KMT2D: variants seen among roughly 807,000 people sequenced by gnomAD.
The protein encoded by KMT2D is lysine methyltransferase 2D.
In KMT2D, 55 loss-of-function variants were observed where a neutral mutation model predicts 512.7. The observed-to-expected ratio is 0.11, with a 90% CI of 0.09 to 0.13. The LOEUF (loss-of-function observed/expected upper bound fraction) is 0.13. Ranked by LOEUF, KMT2D falls within the 10% of genes least tolerant of loss-of-function variation. The pLI is 1.00. For synonymous variants in KMT2D, 2,995 were observed against 2,904.0 expected (o/e 1.03, Z -1.01); for missense variants, 6,061 against 7,127.9 (o/e 0.85, Z 5.39).
rs779861670 is a variant in KMT2D at position 49,032,393 on chromosome 12, TTGC to T, written c.12309_12311del (p.Gln4104del). 1 of 1,604,598 alleles carries T rather than the reference TTGC, an allele frequency of 6.2e-7. No homozygotes were observed. Among genetic ancestry groups the T allele is most frequent in the African/African-American group, 1.3e-5 (1 of 74,760 alleles). ...CACCTGCTGTGTGGAGCAGGCTAAC[TTGC>T]TGCTGCTGTTGTCCTGGAAGCCTCA... On this transcript the variant is annotated inframe_deletion, in exon 40 of 55. Transcript: ENST00000301067.
In KMT2D at chr12:49,024,718, C is replaced by G. The variant is rs2137710818; in HGVS notation, c.15922-10G>C. On this transcript the variant is annotated splice_polypyrimidine_tract_variant and intron_variant, in intron 50 of 54. Transcript: ENST00000301067. This position sits in a 1 kb window ranked among gnomAD's most constrained non-coding sequence, Gnocchi z 4.5. Reference sequence around the variant, plus strand: ...TCTCCACCCCGGGCAGCTGTGGGCACAGTTCATACTCACCTTAGCCTGAGT... The same window carrying G: ...TCTCCACCCCGGGCAGCTGTGGGCAGAGTTCATACTCACCTTAGCCTGAGT... 1 of 1,613,236 alleles carries G rather than the reference C, an allele frequency of 6.2e-7. No individual in the cohort carries two copies. The highest frequency in any genetic ancestry group is 8.5e-7 in the Non-Finnish European group (1 of 1,179,500).
Position 49,054,464 on chromosome 12 carries a change from G to A in KMT2D, c.401-48C>T, listed in dbSNP as rs2120709706. 1 of 1,569,632 alleles carries A rather than the reference G, an allele frequency of 6.4e-7. No individual in the cohort carries two copies. Among genetic ancestry groups the A allele is most frequent in the Admixed American group, 1.9e-5 (1 of 53,210 alleles). On this transcript the variant is annotated intron_variant, in intron 4 of 54. Coordinates refer to ENST00000301067, the MANE Select transcript of KMT2D (RefSeq NM_003482.4). This position sits in a 1 kb window ranked among gnomAD's most constrained non-coding sequence, Gnocchi z 6.4. The stretch of plus-strand genomic sequence containing the variant: ...AGAGAAAGGAAAGAATTAACAAAAA[G>A]AGGATTGCTGGCTCAGGACTACCCA...
chr12:49,042,192 A>C lies in KMT2D; in HGVS notation c.6006T>G (p.Ser2002Arg). The C allele has an allele frequency of 6.2e-7, 1 of 1,609,864 alleles. No individual in the cohort carries two copies. Among genetic ancestry groups the C allele is most frequent in the Non-Finnish European group, 8.5e-7 (1 of 1,178,294 alleles). The part of the protein sequence containing the change: ...EGDGLSYNQR[S>R]LQRWEKDEEL... ...CCTCATCCTTCTCCCAGCGCTGAAG[A>C]CTCCGCTGGTTATAGGAGAGTCCGT... The change falls in exon 29 of 55, where the codon AGT becomes AGG. Residue 2002 changes from serine to arginine, a missense_variant. This residue lies in a region of KMT2D where 640 missense variants were observed against 814.3 expected (regional missense o/e 0.79). Coordinates refer to ENST00000301067, the MANE Select transcript of KMT2D (RefSeq NM_003482.4). The surrounding 1 kb of genome is among the most constrained non-coding windows in gnomAD (Gnocchi z 4.4).
chr12:49,031,165 G>C lies in KMT2D; in HGVS notation c.13530+10C>G, dbSNP rs1392575477. ...CACTCTACCTGCTCCACTCTACTCA[G>C]AGTACTCACCTCCTTGTTGCTGGGG... On this transcript the variant is annotated intron_variant, in intron 40 of 54. Transcript: ENST00000301067. 1 of 1,607,124 alleles carries C rather than the reference G, an allele frequency of 6.2e-7. No homozygotes were observed.
chr12:49,042,966 C>A lies in KMT2D; in HGVS notation c.5645-88G>T. 3 of 1,574,278 alleles carry A rather than the reference C, an allele frequency of 1.9e-6. No homozygotes were observed. Among genetic ancestry groups the A allele is most frequent in the Non-Finnish European group, 2.6e-6 (3 of 1,146,786 alleles). On this transcript the variant is annotated intron_variant, in intron 26 of 54. Coordinates refer to ENST00000301067, the MANE Select transcript of KMT2D (RefSeq NM_003482.4). This position sits in a 1 kb window ranked among gnomAD's most constrained non-coding sequence, Gnocchi z 4.4. ...ACAAATGATCATGGCCAGGAACAGT[C>A]CAGGACTCCCCACCAGAGAAGCTGT...
At chr12:49,052,871 C>T (rs775033668) in intron 9 of KMT2D, 44 bp downstream of exon 9, 39 of 1,609,456 alleles carry the variant, frequency 2.4e-5, no homozygotes, top group Non-Finnish European at 3.2e-5. Context: ...AATGTCAGTT[C>T]TTCCAACCTG....
rs1942271751 is a variant in KMT2D, at chr12:49,020,580, A to ACCCCCCC, written c.*1199_*1200insGGGGGGG. The ACCCCCCC allele has an allele frequency of 1.1e-5, 1 of 95,088 alleles. No homozygotes were observed. The highest frequency in any genetic ancestry group is 4.7e-5 in the African/African-American group (1 of 21,324). 5.9% of individuals were successfully genotyped at this position (95,088 alleles called of 1,614,324 possible). Reference sequence around the variant, plus strand: ...ATGTATAAATAGATAAATACCCCCCACCCTCCCCGCGCTGACACTAAGCTC... The same window carrying ACCCCCCC: ...ATGTATAAATAGATAAATACCCCCCACCCCCCCCCCTCCCCGCGCTGACACTAAGCTC... On this transcript the variant is annotated 3_prime_UTR_variant, in exon 55 of 55. Transcript: ENST00000301067.
chr12:49,059,096 A>G (rs990637171), intron 1 of KMT2D, among the ~76,000 whole-genome samples: 2 of 152,188 alleles, frequency 1.3e-5, no homozygotes, highest in Non-Finnish European at 1.5e-5. Context: ...CCAGTGAAAG[A>G]AGGCCTGGTG....
Position 49,050,324 on chromosome 12 carries a change from G to T in KMT2D, c.3264C>A (p.Pro1088=), listed in dbSNP as rs377407254. The change falls in exon 12 of 55, where the codon CCC becomes CCA. Residue 1088 remains proline (P), a synonymous_variant. Coordinates refer to ENST00000301067, the MANE Select transcript of KMT2D (RefSeq NM_003482.4). The part of the protein sequence containing the change: ...VSEPECPALE[P]SATSPLPSPM... ...GGGAAGGGAGAGGACTGGTGGCACT[G>T]GGTTCCAAGGCTGGGCATTCAGGTT... The T allele has an allele frequency of 6.2e-7, 1 of 1,611,060 alleles. No individual in the cohort carries two copies. The highest frequency in any genetic ancestry group is 1.3e-5 in the African/African-American group (1 of 74,876).
At chr12:49,031,094 G>C (rs1942884651) in intron 40 of KMT2D, 61 bp from the exon 41 acceptor site, 1 of 1,388,866 alleles carries the variant, frequency 7.2e-7, no homozygotes, top group South Asian at 1.1e-5. Flanking sequence ...CATCTCTTCT[G>C]TCTGACCCAG....
chr12:49,037,743 C>G lies in KMT2D; in HGVS notation c.9613G>C (p.Gly3205Arg). ...AACTTTTCCAGCAGGGAGGATCCTC[C>G]TGGGCCACTCAGTGGGCTGGGGGTC... is the stretch of plus-strand genomic sequence containing the variant. Reference protein sequence around the residue: ...LLTPSPLSGPGGSSLLEKFEL... With the variant: ...LLTPSPLSGPRGSSLLEKFEL... The change falls in exon 35 of 55, where the codon GGA becomes CGA. Residue 3205 changes from glycine to arginine, a missense_variant. Coordinates refer to ENST00000301067, the MANE Select transcript of KMT2D (RefSeq NM_003482.4). 6.3e-7 allele frequency: 1 copy of G among 1,589,456 alleles called. No homozygotes were observed. Among genetic ancestry groups the G allele is most frequent in the Non-Finnish European group, 8.6e-7 (1 of 1,167,718 alleles).
rs767696694 is a variant in KMT2D, at chr12:49,031,706, C to A, written c.12999G>T (p.Glu4333Asp). ...CTGGATGGGTGGGAGGGAGCTGGGC[C>A]TCAGTGGGAAGCTGGGAGCTGGGGG... ...LPSPSSQLPT[E>D]AQLPPTHPGT... The change falls in exon 40 of 55, where the codon GAG becomes GAT. Residue 4333 changes from glutamate to aspartate, a missense_variant. By Grantham distance (45) the Glu-to-Asp change is conservative. Coordinates refer to ENST00000301067, the MANE Select transcript of KMT2D (RefSeq NM_003482.4). 4.0e-5 allele frequency: 64 copies of A among 1,612,680 alleles called. No homozygotes were observed. The Admixed American group carries it at 1.1e-3, about 27-fold the overall frequency.
Position 49,048,748 on chromosome 12 carries a change from G to C in KMT2D, c.4042C>G (p.Pro1348Ala), listed in dbSNP as rs1427544026. The C allele has an allele frequency of 6.2e-7, 1 of 1,609,534 alleles. No individual in the cohort carries two copies. The highest frequency in any genetic ancestry group is 1.7e-5 in the Admixed American group (1 of 59,884). Residue 1348 changes from proline to alanine, a missense_variant, in exon 14 of 55, where the codon CCC becomes GCC. Coordinates refer to ENST00000301067, the MANE Select transcript of KMT2D (RefSeq NM_003482.4). ...TCTTCTTCCTCCTCCTCCTTACTGG[G>C]AGAGCTATCAATGTCAGCAACCTGA... ...TLVVADIDSS[P>A]SKEEEEEDDD...
In KMT2D at chr12:49,037,507, A is replaced by ATGCTGC; in HGVS notation, c.9843_9848dup (p.Gln3281_Gln3282dup). The ATGCTGC allele has an allele frequency of 1.3e-6, 2 of 1,557,434 alleles. No individual in the cohort carries two copies. Among genetic ancestry groups the ATGCTGC allele is most frequent in the Non-Finnish European group, 8.7e-7 (1 of 1,150,434 alleles). The stretch of plus-strand genomic sequence containing the variant: ...CAGGGCCTGGTGCAGACAGTAGGGA[A>ATGCTGC]TGCTGCTGCTGCTGTTGCTGCTGCT... On this transcript the variant is annotated inframe_insertion, in exon 35 of 55. Transcript: ENST00000301067.
Position 49,029,053 on chromosome 12 carries a change from G to A in KMT2D, c.14251+8C>T, listed in dbSNP as rs566229357. On this transcript the variant is annotated splice_region_variant and intron_variant, in intron 45 of 54. Transcript: ENST00000301067. ...CTGGGCCTGGCCCACATCCAGAGTA[G>A]CACATACCTGGGATGCTGGCCCGAG... The A allele has an allele frequency of 6.2e-7, 1 of 1,602,846 alleles. No individual in the cohort carries two copies. Among genetic ancestry groups the A allele is most frequent in the African/African-American group, 1.3e-5 (1 of 74,900 alleles).
At position 49,039,470 on chromosome 12, in the gene KMT2D, G is replaced by A. The variant is rs1279860885; in HGVS notation, c.8194C>T (p.Leu2732=). ...AEPSSPAFEQ[L]SRGQTPFAGT... ...GCAAAGGGGGTCTGGCCTCGACTCA[G>A]CTGCTCAAAGGCAGGGCTGCTGGGC... Residue 2732 remains leucine, a synonymous_variant, in exon 33 of 55, where the codon CTG becomes TTG. Transcript: ENST00000301067. The surrounding 1 kb of genome is among the most constrained non-coding windows in gnomAD (Gnocchi z 5.0). 6.2e-7 allele frequency: 1 copy of A among 1,606,092 alleles called. No individual in the cohort carries two copies. The highest frequency in any genetic ancestry group is 8.5e-7 in the Non-Finnish European group (1 of 1,175,244).
At position 49,038,835 on chromosome 12, in the gene KMT2D, G is replaced by C. The variant is rs763347763; in HGVS notation, c.8521C>G (p.Pro2841Ala). The change falls in exon 35 of 55, where the codon CCT becomes GCT. Residue 2841 changes from proline to alanine, a missense_variant. Transcript: ENST00000301067. This position sits in a 1 kb window ranked among gnomAD's most constrained non-coding sequence, Gnocchi z 5.7. ...FAMSARFPSTPGPELGRQALG... is the reference protein window; with the variant it reads ...FAMSARFPSTAGPELGRQALG... Reference sequence around the variant, plus strand: ...GCTTGGCGGCCAAGTTCAGGTCCAGGAGTTGATGGAAAGCGAGCTGACATG... The same window carrying C: ...GCTTGGCGGCCAAGTTCAGGTCCAGCAGTTGATGGAAAGCGAGCTGACATG... The C allele has an allele frequency of 1.3e-6, 2 of 1,557,792 alleles. No homozygotes were observed. Among genetic ancestry groups the C allele is most frequent in the Admixed American group, 1.9e-5 (1 of 51,456 alleles).
In KMT2D at chr12:49,050,805, A is replaced by G. The variant is rs2120657276; in HGVS notation, c.2798-15T>C. Reference sequence around the variant, plus strand: ...AGGAAGGGGATCTGGAAGGAAAGAGAAAAAAGAAGGGCTCTTAGATTAGAT... The same window carrying G: ...AGGAAGGGGATCTGGAAGGAAAGAGGAAAAAGAAGGGCTCTTAGATTAGAT... On this transcript the variant is annotated splice_polypyrimidine_tract_variant and intron_variant, in intron 11 of 54. Transcript: ENST00000301067. 1.3e-6 allele frequency: 2 copies of G among 1,591,422 alleles called. No individual in the cohort carries two copies. The highest frequency in any genetic ancestry group is 1.7e-6 in the Non-Finnish European group (2 of 1,165,602).
At position 49,055,355 on chromosome 12, in the gene KMT2D, G is replaced by C. The variant is rs2120718960; in HGVS notation, c.-31C>G. 1 of 1,607,132 alleles carries C rather than the reference G, an allele frequency of 6.2e-7. No individual in the cohort carries two copies. The highest frequency in any genetic ancestry group is 8.5e-7 in the Non-Finnish European group (1 of 1,175,428). On this transcript the variant is annotated 5_prime_UTR_variant, in exon 2 of 55. Transcript: ENST00000301067. Reference sequence around the variant, plus strand: ...TCTCCGACTGGGCAGGGCCCTCTCGGGGAGACCTGTTGGTGCCAAGAAAGA... The same window carrying C: ...TCTCCGACTGGGCAGGGCCCTCTCGCGGAGACCTGTTGGTGCCAAGAAAGA...
Sources: gnomAD v4.1 joint callset for allele counts (sites outside exome capture counted in the v4.1 genomes callset) on GRCh38, gnomAD v4.1.1 for gene constraint, gnomAD v4.1.1 regional missense constraint, Gnocchi (gnomAD v3.1) non-coding constraint, MANE v1.5 for transcripts, NCBI Gene and HGNC (gene_info 2026-07-23, HGNC 2026-07-21) for gene names.